DOK5: variants seen among roughly 807,000 people sequenced by gnomAD.
DOK5 encodes downstream of tyrosine kinase 5.
A neutral mutation model predicts 43.3 loss-of-function variants in DOK5; 27 were observed. The ratio of observed to expected loss-of-function variants is 0.62; its 90% CI spans 0.46 to 0.86. The LOEUF is 0.86. Ranked by LOEUF, DOK5 falls within the 40% of genes least tolerant of loss-of-function variation. DOK5 has a pLI of 0.00. For synonymous variants in DOK5, 146 were observed against 140.1 expected (o/e 1.04, Z -0.30); for missense variants, 373 against 392.9 (o/e 0.95, Z 0.43).
At chr20:54,569,451 C>T (rs1034201600) in intron 2 of DOK5, among the ~76,000 whole-genome samples, 5 of 152,116 alleles carry the variant, frequency 3.3e-5, no homozygotes, top group African/African-American at 7.2e-5. Context: ...AATTGGTGGA[C>T]AAAAATGTTT....
chr20:54,519,303 G>A lies in DOK5; in HGVS notation c.67-35630G>A, dbSNP rs114095440. Among the ~76,000 whole-genome samples the A allele has an allele frequency of 5.1e-3, 773 of 152,288 alleles. 7 individuals carry two copies. The highest frequency in any genetic ancestry group is 0.018 in the African/African-American group (741 of 41,558). ...TAATAAAGATTAAAAGGGACATGAT[G>A]TATGTTTAATATTTAGCATCTGTTC... On this transcript the variant is annotated intron_variant, in intron 1 of 7. Coordinates refer to ENST00000262593, the MANE Select transcript of DOK5 (RefSeq NM_018431.5).
intron 1 of DOK5, among the ~76,000 whole-genome samples, chr20:54,529,112 A>G (rs1983677198): frequency 6.6e-6 from 1 of 152,160 alleles, no homozygotes; most frequent in Admixed American, 6.5e-5. Flanking sequence ...TACTAAAACT[A>G]TTTGCAGAGA....
chr20:54,619,818 C>A, intron 6 of DOK5, among the ~76,000 whole-genome samples: 1 of 152,166 alleles, frequency 6.6e-6, no homozygotes, highest in Admixed American at 6.5e-5. Flanking sequence ...ATTTTAAACG[C>A]AATATGCTAC....
chr20:54,512,941 G>C (rs908434646), intron 1 of DOK5, among the ~76,000 whole-genome samples: 170 of 152,254 alleles, frequency 1.1e-3, no homozygotes, highest in African/African-American at 3.8e-3. Context: ...TCATGATGTA[G>C]GTTTGTTTTG....
At chr20:54,574,299 A>G (rs995733896) in intron 2 of DOK5, among the ~76,000 whole-genome samples, 6 of 152,002 alleles carry the variant, frequency 3.9e-5, no homozygotes, top group African/African-American at 1.4e-4. Context: ...CATATCCTTA[A>G]TAAGTACAGT....
intron 1 of DOK5, among the ~76,000 whole-genome samples, chr20:54,552,289 C>T (rs1984555928): frequency 6.6e-6 from 1 of 152,028 alleles, no homozygotes; most frequent in Non-Finnish European, 1.5e-5. Flanking sequence ...TTATATTCTG[C>T]TTCACCCCTC....
chr20:54,636,705 C>A (rs1201196279), intron 6 of DOK5, among the ~76,000 whole-genome samples: 1 of 152,192 alleles, frequency 6.6e-6, no homozygotes, highest in Non-Finnish European at 1.5e-5. Context: ...AACTCCATTT[C>A]CCACGTGGTG....
rs1193413078 is a variant in DOK5 at position 54,475,731 on chromosome 20, C to G, written c.-216C>G. On this transcript the variant is annotated 5_prime_UTR_variant, in exon 1 of 8. Transcript: ENST00000262593. The surrounding 1 kb of genome is among the most constrained non-coding windows in gnomAD (Gnocchi z 4.2). ...GCCTCCCCGCGCCGCGCTCTGCGCT[C>G]CCCGAAAGTGGCTGCAAGCCGGCCG... 3.2e-6 allele frequency: 2 copies of G among 630,508 alleles called. No individual in the cohort carries two copies. The highest frequency in any genetic ancestry group is 3.0e-5 in the Admixed American group (1 of 33,744). The allele number at this position is 630,508 out of a possible 1,614,324, so 39.1% of individuals were successfully genotyped here.
intron 7 of DOK5, among the ~76,000 whole-genome samples, chr20:54,645,832 A>G (rs1459979358): frequency 6.6e-6 from 1 of 151,600 alleles, no homozygotes. Flanking sequence ...AAGAATGCAT[A>G]ATGTTAAGAA....
chr20:54,617,328 ATTTTTTTTTC>A (rs1451107371), intron 6 of DOK5, among the ~76,000 whole-genome samples: 1 of 150,574 alleles, frequency 6.6e-6, no homozygotes, highest in East Asian at 2.0e-4. Flanking sequence ...TAGTCTGTCG[ATTTTTTTTTC>A]TTTTTTTTTG....
chr20:54,492,580 T>A (rs1982227334), intron 1 of DOK5, among the ~76,000 whole-genome samples: 1 of 150,744 alleles, frequency 6.6e-6, no homozygotes, highest in African/African-American at 2.5e-5. Flanking sequence ...AAAGAGTTAC[T>A]CTTACACAGT....
intron 1 of DOK5, among the ~76,000 whole-genome samples, chr20:54,537,300 A>G (rs1426751428): frequency 6.6e-6 from 1 of 152,244 alleles, no homozygotes; most frequent in Non-Finnish European, 1.5e-5. Context: ...ACCTCATAAC[A>G]TAATGTGCTA....
At chr20:54,488,651 T>G (rs1417440231) in intron 1 of DOK5, among the ~76,000 whole-genome samples, 1 of 152,024 alleles carries the variant, frequency 6.6e-6, no homozygotes, top group Admixed American at 6.6e-5. Flanking sequence ...TTACATATAT[T>G]ATTTGCTTAT....
intron 1 of DOK5, 52 bp from the exon 2 acceptor site, chr20:54,554,881 G>T: frequency 1.8e-6 from 2 of 1,124,686 alleles, no homozygotes; most frequent in South Asian, 2.6e-5. Context: ...ACATTTAAAT[G>T]CAAATGTCAG....
intron 5 of DOK5, among the ~76,000 whole-genome samples, chr20:54,594,781 A>G: frequency 6.6e-6 from 1 of 152,362 alleles, no homozygotes. Flanking sequence ...TTAGTATCTC[A>G]TATCTATTTT....
At chr20:54,634,437 C>CTTTTTTTTTTTTT (rs11470013) in intron 6 of DOK5, among the ~76,000 whole-genome samples, 1 of 90,414 alleles carries the variant, frequency 1.1e-5, no homozygotes, top group Non-Finnish European at 2.0e-5. Context: ...TCATATCATG[C>CTTTTTTTTTTTTT]TTTTTTTTTT....
At chr20:54,632,744 A>C (rs1390403235) in intron 6 of DOK5, among the ~76,000 whole-genome samples, 1 of 152,318 alleles carries the variant, frequency 6.6e-6, no homozygotes, top group South Asian at 2.1e-4. Flanking sequence ...ATGGTTCCTA[A>C]ATCATTAAGA....
In DOK5 at chr20:54,640,434, G is replaced by A. The variant is rs140264478; in HGVS notation, c.736-3024G>A. 2.5e-4 allele frequency among the ~76,000 whole-genome samples: 38 copies of A among 152,346 alleles called. No homozygotes were observed. The East Asian group carries it at 4.6e-3, about 19-fold the overall frequency. ...GTCACAGAAGAGGGAGCGGAAACCT[G>A]CCTACTGGATTCTCACCAAATGACT... On this transcript the variant is annotated intron_variant, in intron 6 of 7. Transcript: ENST00000262593.
chr20:54,537,111 T>C (rs967540024), intron 1 of DOK5, among the ~76,000 whole-genome samples: 1 of 152,212 alleles, frequency 6.6e-6, no homozygotes, highest in East Asian at 1.9e-4. Flanking sequence ...CCAGCAATAA[T>C]GCGGGGGCCT....
Sources: gnomAD v4.1 joint callset for allele counts (sites outside exome capture counted in the v4.1 genomes callset) on GRCh38, gnomAD v4.1.1 for gene constraint, Gnocchi (gnomAD v3.1) non-coding constraint, MANE v1.5 for transcripts, NCBI Gene and HGNC (gene_info 2026-07-23, HGNC 2026-07-21) for gene names.